The following PARP10 variants were observed in gnomAD, a reference collection of about 807,000 sequenced individuals.
The protein encoded by PARP10 is poly(ADP-ribose) polymerase family member 10, also known as protein mono-ADP-ribosyltransferase PARP10.
A neutral mutation model predicts 82.4 loss-of-function variants in PARP10; 56 were observed. The observed-to-expected ratio is 0.68, with a 90% CI of 0.55 to 0.85. PARP10 has a LOEUF of 0.85. Ranked by LOEUF, PARP10 falls within the 40% of genes least tolerant of loss-of-function variation. PARP10 has a pLI of 0.00. For synonymous variants in PARP10, 576 were observed against 601.1 expected (o/e 0.96, Z 0.61); for missense variants, 1,227 against 1,379.4 (o/e 0.89, Z 1.75).
chr8:143,994,509 G>A (rs1440541731), upstream of PARP10, among the ~76,000 whole-genome samples: 3 of 152,318 alleles, frequency 2.0e-5, no homozygotes, highest in Non-Finnish European at 4.4e-5. Context: ...AGCCTGGTAC[G>A]CGGGCCCTGC....
rs868954919 is a variant in PARP10 at position 143,984,869 on chromosome 8, C to G, written c.1133G>C (p.Ser378Thr). ...VGLQEQEGPM[S>T]LGPVGSAGPV... Reference sequence around the variant, plus strand: ...GCCTGCAGACCCCACAGGCCCCAGGCTCATGGGCCCCTCCTGTTCCTGCAA... The same window carrying G: ...GCCTGCAGACCCCACAGGCCCCAGGGTCATGGGCCCCTCCTGTTCCTGCAA... The change falls in exon 5 of 11, where the codon AGC (serine) becomes ACC (threonine). Residue 378 changes from serine (S) to threonine (T), a missense_variant. Coordinates refer to ENST00000313028, the MANE Select transcript of PARP10 (RefSeq NM_032789.5). 17 of 1,613,800 alleles carry G rather than the reference C, an allele frequency of 1.1e-5. No homozygotes were observed. The highest frequency in any genetic ancestry group is 1.4e-5 in the Non-Finnish European group (16 of 1,179,960).
In PARP10 at chr8:143,986,172, C is replaced by T. The variant is rs781926103; in HGVS notation, c.64G>A (p.Val22Met). The T allele has an allele frequency of 1.2e-5, 20 of 1,613,398 alleles. No homozygotes were observed. Among genetic ancestry groups the T allele is most frequent in the South Asian group, 2.2e-5 (2 of 91,072 alleles). Reference sequence around the variant, plus strand: ...TAGAGAGTGAGCAGCTCGTCGGGCACGGCAGGGGGCAGTCCACGGACCTCC... The same window carrying T: ...TAGAGAGTGAGCAGCTCGTCGGGCATGGCAGGGGGCAGTCCACGGACCTCC... ...AVEVRGLPPA[V>M]PDELLTLYFE... The change falls in exon 2 of 11, where the codon GTG becomes ATG. Residue 22 changes from valine to methionine, a missense_variant. Physicochemically the swap from Val to Met is conservative, Grantham distance 21 (BLOSUM62 1). Coordinates refer to ENST00000313028, the MANE Select transcript of PARP10 (RefSeq NM_032789.5).
At chr8:143,988,947 C>T (rs929031278), upstream of PARP10, 10 of 152,242 alleles carry the variant, frequency 6.6e-5, no homozygotes, top group African/African-American at 2.4e-4. Context: ...ACAGGCACCA[C>T]TCACACCACA....
At chr8:144,012,185 C>T (rs1311875256) in intron 1 of PARP10, among the ~76,000 whole-genome samples, 1 of 152,234 alleles carries the variant, frequency 6.6e-6, no homozygotes. Context: ...GCTGGGGAAA[C>T]CCAGCGGGCA....
chr8:143,994,736 C>T (rs1329327090), upstream of PARP10, among the ~76,000 whole-genome samples: 3 of 152,162 alleles, frequency 2.0e-5, no homozygotes, highest in African/African-American at 7.2e-5. Flanking sequence ...CGGCTAATCA[C>T]ATGCTGAGCA....
At position 143,999,883 on chromosome 8, in the gene PARP10, G is replaced by C. The variant is rs574598220; in HGVS notation, c.-80+12647C>G. Reference sequence around the variant, plus strand: ...GAAAATATCCTAAAACTCACGAAGAGAATAAAGAGAATGGATAGAGAACAA... The same window carrying C: ...GAAAATATCCTAAAACTCACGAAGACAATAAAGAGAATGGATAGAGAACAA... On this transcript the variant is annotated intron_variant, in intron 1 of 3. Coordinates refer to the PARP10 transcript ENST00000530478. 6.0e-4 allele frequency among the ~76,000 whole-genome samples: 91 copies of C among 152,228 alleles called. 3 individuals carry two copies. Among genetic ancestry groups the C allele is most frequent in the Middle Eastern group, 6.8e-3 (2 of 292 alleles).
Position 143,982,876 on chromosome 8 carries a change from T to C in PARP10, c.2556+56A>G, listed in dbSNP as rs1554748032. ...ACAGGCCACAGACTTGGCAAGGCGCTAATGGTGCAAGAGCCCAGGACGCCA... is the reference window on the plus strand; with the variant it reads ...ACAGGCCACAGACTTGGCAAGGCGCCAATGGTGCAAGAGCCCAGGACGCCA... On this transcript the variant is annotated intron_variant, in intron 9 of 10. Coordinates refer to ENST00000313028, the MANE Select transcript of PARP10 (RefSeq NM_032789.5). 3 of 1,597,930 alleles carry C rather than the reference T, an allele frequency of 1.9e-6. No individual in the cohort carries two copies. The East Asian group carries it at 6.7e-5, about 36-fold the overall frequency.
At position 143,983,377 on chromosome 8, in the gene PARP10, TCTC is replaced by T. The variant is rs1833908823; in HGVS notation, c.2209_2211del (p.Glu737del). On this transcript the variant is annotated inframe_deletion, in exon 8 of 11. Transcript: ENST00000313028. ...AGTGTGCGGCGCCAGGGCCCCACCG[TCTC>T]CTCCTGGACGTGGACCTCCAAGGCA... is the stretch of plus-strand genomic sequence containing the variant. 1 of 1,606,314 alleles carries T rather than the reference TCTC, an allele frequency of 6.2e-7. No individual in the cohort carries two copies. The highest frequency in any genetic ancestry group is 8.5e-7 in the Non-Finnish European group (1 of 1,179,048).
upstream of PARP10, chr8:143,990,527 A>G (rs1834072943): frequency 6.7e-6 from 1 of 148,730 alleles, no homozygotes; most frequent in African/African-American, 2.5e-5. This position sits in a 1 kb window ranked among gnomAD's most constrained non-coding sequence, Gnocchi z 5.6. Flanking sequence ...GCCTCGCCCC[A>G]CGCCCGCTTT....
chr8:143,983,832 T>A, intron 7 of PARP10, 21 bp from the exon 8 acceptor site: 1 of 1,556,140 alleles, frequency 6.4e-7, no homozygotes, highest in South Asian at 1.2e-5. Context: ...GGAGAGGCCA[T>A]TGGGTCAGGG....
upstream of PARP10, chr8:143,991,208 C>T (rs1355866890): frequency 3.2e-6 from 5 of 1,553,334 alleles, no homozygotes; most frequent in Non-Finnish European, 4.3e-6. Flanking sequence ...AGGGGCGGAC[C>T]GCGGAACCCG....
rs782227801 is a variant in PARP10 at position 143,985,990 on chromosome 8, G to A, written c.182-15C>T. The A allele has an allele frequency of 2.1e-5, 33 of 1,596,084 alleles. No individual in the cohort carries two copies. Among genetic ancestry groups the A allele is most frequent in the Admixed American group, 3.4e-5 (2 of 59,324 alleles). ...CCTCTCGGCGTCTGTGGGCAGGGGC[G>A]GGGCAGGATGTCAGGCATTAGAATA... On this transcript the variant is annotated splice_polypyrimidine_tract_variant and intron_variant, in intron 2 of 10. Coordinates refer to ENST00000313028, the MANE Select transcript of PARP10 (RefSeq NM_032789.5).
At chr8:143,998,732 T>G (rs1834179266) in intron 1 of PARP10, among the ~76,000 whole-genome samples, 1 of 152,174 alleles carries the variant, frequency 6.6e-6, no homozygotes, top group South Asian at 2.1e-4. Flanking sequence ...GGCGGATCAC[T>G]TGAGCCCAGG....
intron 1 of PARP10, among the ~76,000 whole-genome samples, chr8:144,010,362 G>C (rs577301460): frequency 6.6e-6 from 1 of 152,144 alleles, no homozygotes; most frequent in Non-Finnish European, 1.5e-5. Context: ...ATATGTTTTC[G>C]GATGAAAGAA....
Position 143,985,052 on chromosome 8 carries a change from C to T in PARP10, c.950G>A (p.Arg317Lys), listed in dbSNP as rs1564252556. 9.3e-6 allele frequency: 15 copies of T among 1,613,842 alleles called. No individual in the cohort carries two copies. The highest frequency in any genetic ancestry group is 1.2e-5 in the Non-Finnish European group (14 of 1,179,954). ...SLRTGPMVQG[R>K]GIMTTGSGQE... is the part of the protein sequence containing the mutation. ...GCCAGAGCCTGTTGTCATAATCCCT[C>T]TACCCTGCACCATGGGACCTGTCCT... The change falls in exon 5 of 11, where the codon AGA (arginine) becomes AAA (lysine). Residue 317 changes from arginine to lysine, a missense_variant. By Grantham distance (26) the Arg-to-Lys change is conservative. Transcript: ENST00000313028.
At chr8:143,980,880 C>T (rs1448193049) in intron 9 of PARP10, among the ~76,000 whole-genome samples, 6 of 152,124 alleles carry the variant, frequency 3.9e-5, no homozygotes, top group South Asian at 2.1e-4. Context: ...CTATGGCCCA[C>T]GCATGGAGGC....
At chr8:143,986,735 AC>A, upstream of PARP10, 1 of 374,788 alleles carries the variant, frequency 2.7e-6, no homozygotes, top group South Asian at 3.3e-5. Flanking sequence ...ATGGCCAATC[AC>A]CCGCCCCACT....
At chr8:144,010,202 G>A (rs1245606320) in intron 1 of PARP10, among the ~76,000 whole-genome samples, 11 of 152,270 alleles carry the variant, frequency 7.2e-5, no homozygotes, top group East Asian at 1.9e-4. Context: ...AGCATTTATC[G>A]CAGGGTAAGC....
At chr8:143,992,539 C>G (rs543010561), upstream of PARP10, 1 of 1,614,200 alleles carries the variant, frequency 6.2e-7, no homozygotes, top group East Asian at 2.2e-5. Context: ...TCGCCATTCT[C>G]TGCATCTTCA....
Sources: allele counts gnomAD v4.1 joint callset (sites outside exome capture counted in the v4.1 genomes callset), GRCh38; gene constraint gnomAD v4.1.1; non-coding constraint Gnocchi (gnomAD v3.1); transcripts MANE v1.5; gene names NCBI Gene and HGNC (gene_info 2026-07-23, HGNC 2026-07-21).